The following IGF2R variants were observed in gnomAD, a reference collection of about 807,000 sequenced individuals.
The protein encoded by IGF2R is insulin like growth factor 2 receptor.
IGF2R carries 91 observed loss-of-function variants against 270.6 expected under a neutral mutation model. That is an observed-to-expected ratio of 0.34 (90% CI 0.28 to 0.40). The LOEUF (loss-of-function observed/expected upper bound fraction) is 0.40, where lower values mean the gene tolerates loss of function less well. Ranked by LOEUF, IGF2R falls within the 10% of genes least tolerant of loss-of-function variation. IGF2R has a pLI of 1.00. For missense variants in IGF2R, 2,805 were observed against 3,188.3 expected, an observed-to-expected ratio of 0.88 and a Z score of 2.90; for synonymous variants, 1,316 against 1,258.9, an observed-to-expected ratio of 1.05 and a Z score of -0.96.
chr6:160,070,575 C>G (rs962861746), intron 31 of IGF2R, among the ~76,000 whole-genome samples: 1 of 152,194 alleles, frequency 6.6e-6, no homozygotes, highest in South Asian at 2.1e-4. Flanking sequence ...ACGGGAGATG[C>G]ACAGTCAGTG....
chr6:160,087,501 G>A (rs779246309), intron 41 of IGF2R, among the ~76,000 whole-genome samples: 5 of 152,192 alleles, frequency 3.3e-5, no homozygotes, highest in Non-Finnish European at 5.9e-5. Context: ...GAGGGTTTGG[G>A]TTTGACCCCA....
At chr6:160,089,867 G>A (rs1779180662) in intron 43 of IGF2R, 49 bp from the exon 44 acceptor site, 2 of 1,329,876 alleles carry the variant, frequency 1.5e-6, no homozygotes, top group African/African-American at 1.5e-5. Context: ...TGTCATGAAT[G>A]CCTTCTTGAA....
At chr6:159,987,317 C>A (rs1198718349) in intron 1 of IGF2R, among the ~76,000 whole-genome samples, 1 of 152,094 alleles carries the variant, frequency 6.6e-6, no homozygotes, top group Non-Finnish European at 1.5e-5. Flanking sequence ...TTGGAATATT[C>A]TTCATAAATT....
At chr6:160,072,416 C>G (rs1470743076) in intron 32 of IGF2R, among the ~76,000 whole-genome samples, 1 of 152,174 alleles carries the variant, frequency 6.6e-6, no homozygotes, top group Non-Finnish European at 1.5e-5. Context: ...CTCACCTGCC[C>G]TTGTGCTGGG....
In IGF2R at chr6:160,084,009, A is replaced by G. The variant is rs1169850723; in HGVS notation, c.5893A>G (p.Arg1965Gly). Reference protein sequence around the residue: ...FKCDEDEDIGRPQVFSEVRGC... With the variant: ...FKCDEDEDIGGPQVFSEVRGC... ...GTGTGATGAAGATGAGGACATTGGGAGGCCACAAGTCTTCAGTGAAGTGCG... is the reference window on the plus strand; with the variant it reads ...GTGTGATGAAGATGAGGACATTGGGGGGCCACAAGTCTTCAGTGAAGTGCG... Residue 1965 changes from arginine to glycine, a missense_variant, in exon 40 of 48, where the codon AGG (arginine) becomes GGG (glycine). By Grantham distance (125) the Arg-to-Gly change is moderately radical (BLOSUM62 -2). Around this residue, in one of 2 missense-constraint regions of IGF2R, gnomAD observed 1,851 missense variants for 2,207.2 expected, o/e 0.84. Coordinates refer to ENST00000356956, the MANE Select transcript of IGF2R (RefSeq NM_000876.4). The surrounding 1 kb of genome is among the most constrained non-coding windows in gnomAD (Gnocchi z 4.6). 6 of 1,614,066 alleles carry G rather than the reference A, an allele frequency of 3.7e-6. No homozygotes were observed. The Admixed American group carries it at 1.0e-4, about 27-fold the overall frequency.
chr6:160,100,178 T>A (rs1387076621), intron 45 of IGF2R, among the ~76,000 whole-genome samples: 2 of 152,172 alleles, frequency 1.3e-5, no homozygotes, highest in Non-Finnish European at 2.9e-5. Context: ...TAAGTATAGC[T>A]TGACTAAACT....
chr6:160,008,482 G>C (rs1468887802), intron 2 of IGF2R, among the ~76,000 whole-genome samples: 1 of 152,170 alleles, frequency 6.6e-6, no homozygotes, highest in African/African-American at 2.4e-5. Flanking sequence ...GACTGTTACA[G>C]TAATGTCCTG....
At position 160,027,306 on chromosome 6, in the gene IGF2R, C is replaced by T; in HGVS notation, c.768C>T (p.Arg256=). Residue 256 remains arginine (R), a synonymous_variant, in exon 6 of 48, where the codon CGC becomes CGT. Transcript: ENST00000356956. The stretch of plus-strand genomic sequence containing the variant: ...CCCGGGACGGACTGAAGCTGGTGCG[C>T]AAGGACAGGTCAGTCAAGGCCTCCG... The part of the protein sequence containing the change: ...GQPRDGLKLV[R]KDRLVLSYVR... 2 of 1,613,052 alleles carry T rather than the reference C, an allele frequency of 1.2e-6. No individual in the cohort carries two copies. The highest frequency in any genetic ancestry group is 8.5e-7 in the Non-Finnish European group (1 of 1,179,592).
chr6:160,055,469 T>A (rs1329800707), intron 19 of IGF2R, among the ~76,000 whole-genome samples: 10 of 152,082 alleles, frequency 6.6e-5, no homozygotes, highest in Admixed American at 5.2e-4. Flanking sequence ...CTCCCAGGGG[T>A]TTGCAGTCAC....
intron 9 of IGF2R, 81 bp downstream of exon 9, chr6:160,033,188 C>A: frequency 1.0e-6 from 1 of 973,108 alleles, no homozygotes; most frequent in South Asian, 1.5e-5. Flanking sequence ...CCAGGCTAGA[C>A]TGCAGTGGTG....
intron 38 of IGF2R, 76 bp from the exon 39 acceptor site, chr6:160,080,053 A>G: frequency 1.5e-5 from 23 of 1,524,238 alleles, no homozygotes; most frequent in Non-Finnish European, 2.0e-5. Flanking sequence ...TTCCTTAGGG[A>G]CTGCTGCTGC....
At position 160,037,575 on chromosome 6, in the gene IGF2R, C is replaced by T. The variant is rs181072861; in HGVS notation, c.1316-2985C>T. On this transcript the variant is annotated intron_variant, in intron 10 of 47. Coordinates refer to ENST00000356956, the MANE Select transcript of IGF2R (RefSeq NM_000876.4). Reference sequence around the variant, plus strand: ...GTTCATGTACTTTTCAGGATGCAAGCGCATCTTTTGGTCATAATATTTTTT... The same window carrying T: ...GTTCATGTACTTTTCAGGATGCAAGTGCATCTTTTGGTCATAATATTTTTT... Among the ~76,000 whole-genome samples the T allele has an allele frequency of 1.6e-4, 24 of 152,130 alleles. 1 individual carries two copies. In the East Asian group the frequency reaches 4.2e-3, roughly 27 times the overall value.
intron 1 of IGF2R, among the ~76,000 whole-genome samples, chr6:159,988,071 C>A (rs1235845972): frequency 6.6e-6 from 1 of 152,156 alleles, no homozygotes; most frequent in African/African-American, 2.4e-5. Flanking sequence ...AATAGAGCAA[C>A]ACTTTTCTTT....
chr6:160,062,951 G>C (rs979101520), intron 26 of IGF2R, among the ~76,000 whole-genome samples: 2 of 133,566 alleles, frequency 1.5e-5, no homozygotes, highest in South Asian at 2.5e-4. Flanking sequence ...TTTGCCAGGC[G>C]ATTTGTATTA....
chr6:160,017,107 A>G (rs1286701227), intron 4 of IGF2R, among the ~76,000 whole-genome samples: 1 of 152,366 alleles, frequency 6.6e-6, no homozygotes, highest in Admixed American at 6.5e-5. Context: ...TTGAAAACCA[A>G]TACAAAGAGA....
At chr6:160,090,267 G>A (rs547878386) in intron 44 of IGF2R, 164 bp downstream of exon 44, 5 of 489,738 alleles carry the variant, frequency 1.0e-5, no homozygotes, top group East Asian at 3.5e-5. Context: ...TGGATTGAGC[G>A]ATACGTGTCA....
intron 31 of IGF2R, 95 bp downstream of exon 31, chr6:160,070,153 TG>T: frequency 8.2e-7 from 1 of 1,226,994 alleles, no homozygotes; most frequent in East Asian, 2.5e-5. Flanking sequence ...TGCCTTGGGA[TG>T]CGAGTTCTAG....
chr6:160,050,395 A>C lies in IGF2R; in HGVS notation c.2515-78A>C. ...ATAATTCATTGTTTGCTGCAGCTTT[A>C]TAGAATGTAACCACCACCAATAACG... On this transcript the variant is annotated intron_variant, in intron 18 of 47. Coordinates refer to ENST00000356956, the MANE Select transcript of IGF2R (RefSeq NM_000876.4). The surrounding 1 kb of genome is among the most constrained non-coding windows in gnomAD (Gnocchi z 4.0). 7.3e-7 allele frequency: 1 copy of C among 1,378,378 alleles called. No homozygotes were observed. Among genetic ancestry groups the C allele is most frequent in the East Asian group, 2.3e-5 (1 of 42,910 alleles). The allele number at this position is 1,378,378 out of a possible 1,614,324, so 85.4% of individuals were successfully genotyped here. A position where few individuals can be genotyped will look rare whatever the true frequency, so the allele number is the denominator to read the frequency against.
chr6:160,051,574 G>T (rs1057335437), intron 19 of IGF2R, among the ~76,000 whole-genome samples: 1 of 152,154 alleles, frequency 6.6e-6, no homozygotes, highest in Non-Finnish European at 1.5e-5. Context: ...AAACCACAAA[G>T]ACCACAGATA....
Sources: gnomAD v4.1 joint callset for allele counts (sites outside exome capture counted in the v4.1 genomes callset) on GRCh38, gnomAD v4.1.1 for gene constraint, gnomAD v4.1.1 regional missense constraint, Gnocchi (gnomAD v3.1) non-coding constraint, MANE v1.5 for transcripts, NCBI Gene and HGNC (gene_info 2026-07-23, HGNC 2026-07-21) for gene names.